Variants in TMEM268 observed in about 807,000 individuals in gnomAD.
TMEM268 encodes transmembrane protein 268.
Under a neutral mutation model 39.1 loss-of-function variants are expected in TMEM268, and 24 were observed. That is an observed-to-expected ratio of 0.61 (90% CI 0.44 to 0.86). TMEM268 has a LOEUF of 0.86. TMEM268 is among the 40% of genes least tolerant of loss of function. The pLI is 0.00. For synonymous variants in TMEM268, 176 were observed against 173.5 expected, an observed-to-expected ratio of 1.01 and a Z score of -0.12; for missense variants, 409 against 428.6, an observed-to-expected ratio of 0.95 and a Z score of 0.40.
the TMEM268 span, among the ~76,000 whole-genome samples, chr9:114,605,324 T>A: frequency 6.6e-6 from 1 of 152,048 alleles, no homozygotes; most frequent in African/African-American, 2.4e-5. Flanking sequence ...GGCAGGCAGC[T>A]CTAGTTTTGC....
At chr9:114,625,698 C>T (rs1295873797) in intron 3 of TMEM268, among the ~76,000 whole-genome samples, 1 of 151,850 alleles carries the variant, frequency 6.6e-6, no homozygotes, top group Non-Finnish European at 1.5e-5. Context: ...CCGCCTCGGC[C>T]TCCCAAAGTG....
chr9:114,637,120 G>A (rs927367830), intron 7 of TMEM268, 50 bp downstream of exon 7: 3 of 1,218,772 alleles, frequency 2.5e-6, no homozygotes, highest in Non-Finnish European at 3.6e-6. Flanking sequence ...AGGCCAAGTT[G>A]TATCGATTTC....
intron 3 of TMEM268, among the ~76,000 whole-genome samples, chr9:114,625,443 C>CTT (rs34082825): frequency 5.8e-5 from 7 of 121,732 alleles, no homozygotes; most frequent in Admixed American, 3.4e-4. Context: ...ACTTCTTCTT[C>CTT]TTTTTTTTTT....
At position 114,638,588 on chromosome 9, in the gene TMEM268, G is replaced by A. The variant is rs1478519146; in HGVS notation, c.711G>A (p.Glu237=). ...SRLSQLCVVM[E]TGVSPATAEG... is the part of the protein sequence containing the mutation. ...TGAGCCAGTTGTGTGTTGTCATGGA[G>A]ACTGGGGTGAGCCCTGCAACAGCGG... Residue 237 remains glutamate (E), a synonymous_variant, in exon 8 of 9, where the codon GAG becomes GAA. Transcript: ENST00000288502. 2.5e-6 allele frequency: 4 copies of A among 1,605,304 alleles called. No individual in the cohort carries two copies. Among genetic ancestry groups the A allele is most frequent in the Non-Finnish European group, 3.4e-6 (4 of 1,176,382 alleles).
In TMEM268 at chr9:114,644,205, A is replaced by G. The variant is rs866396879; in HGVS notation, c.*892A>G. 47 of 152,354 alleles carry G rather than the reference A, an allele frequency of 3.1e-4. No homozygotes were observed. The highest frequency in any genetic ancestry group is 1.0e-3 in the African/African-American group (42 of 41,460). 9.4% of individuals were successfully genotyped at this position (152,354 alleles called of 1,614,324 possible). On this transcript the variant is annotated 3_prime_UTR_variant, in exon 9 of 9. Coordinates refer to ENST00000288502, the MANE Select transcript of TMEM268 (RefSeq NM_153045.4). Reference sequence around the variant, plus strand: ...AACAAGTTTGAAGACCTATTGTTTCATAGACCCAAGACCAAACGCATCTAA... The same window carrying G: ...AACAAGTTTGAAGACCTATTGTTTCGTAGACCCAAGACCAAACGCATCTAA...
rs768453980 is a variant in TMEM268, at chr9:114,638,643, C to T, written c.766C>T (p.Leu256Phe). 4.3e-6 allele frequency: 7 copies of T among 1,610,430 alleles called. No individual in the cohort carries two copies. Among genetic ancestry groups the T allele is most frequent in the Admixed American group, 3.4e-5 (2 of 59,428 alleles). ...GCCTGAGAACTTGGAGGATGCTCCT[C>T]TCCTGCCCGGCAATTCTTGTCCTAA... is the stretch of plus-strand genomic sequence containing the variant. The part of the protein sequence containing the change: ...EGPENLEDAP[L>F]LPGNSCPNER... Residue 256 changes from leucine (L) to phenylalanine (F), a missense_variant, in exon 8 of 9, where the codon CTC becomes TTC. By Grantham distance (22) the Leu-to-Phe change is conservative. Transcript: ENST00000288502.
At chr9:114,606,279 T>C (rs1158721305), upstream of TMEM268, among the ~76,000 whole-genome samples, 6 of 152,150 alleles carry the variant, frequency 3.9e-5, no homozygotes, top group Non-Finnish European at 5.9e-5. Flanking sequence ...GCCTTCCTGA[T>C]AGGAATTCAG....
At chr9:114,626,779 C>T (rs1178433539) in intron 3 of TMEM268, 120 bp from the exon 4 acceptor site, 1 of 660,956 alleles carries the variant, frequency 1.5e-6, no homozygotes, top group African/African-American at 1.8e-5. Flanking sequence ...GCTCCAAGCT[C>T]CTCATTCTGC....
the TMEM268 span, among the ~76,000 whole-genome samples, chr9:114,606,124 A>G: frequency 6.6e-6 from 1 of 152,046 alleles, no homozygotes; most frequent in African/African-American, 2.4e-5. Flanking sequence ...AAAAAGCCCA[A>G]TTGCCTTCAA....
chr9:114,635,785 C>G (rs1446230605), intron 6 of TMEM268, among the ~76,000 whole-genome samples: 3 of 152,238 alleles, frequency 2.0e-5, no homozygotes, highest in Admixed American at 2.0e-4. Flanking sequence ...TTCAGATTCA[C>G]TGGGGGGTGC....
At chr9:114,629,124 C>G (rs767714435) in intron 5 of TMEM268, among the ~76,000 whole-genome samples, 18 of 152,216 alleles carry the variant, frequency 1.2e-4, no homozygotes, top group Non-Finnish European at 2.2e-4. Flanking sequence ...GATTCCAAGC[C>G]ATGTTCTTAG....
chr9:114,619,116 A>ATG (rs1268287810), intron 2 of TMEM268, among the ~76,000 whole-genome samples: 1 of 152,232 alleles, frequency 6.6e-6, no homozygotes, highest in Non-Finnish European at 1.5e-5. Context: ...TAGGAAAGCA[A>ATG]TGTGTGTGTA....
Position 114,638,652 on chromosome 9 carries a change from G to T in TMEM268, c.775G>T (p.Gly259Cys). 1 of 1,609,796 alleles carries T rather than the reference G, an allele frequency of 6.2e-7. No individual in the cohort carries two copies. Among genetic ancestry groups the T allele is most frequent in the Non-Finnish European group, 8.5e-7 (1 of 1,178,226 alleles). The change falls in exon 8 of 9, where the codon GGC (glycine) becomes TGC (cysteine). Residue 259 changes from glycine to cysteine, a missense_variant. Transcript: ENST00000288502. ...CTTGGAGGATGCTCCTCTCCTGCCC[G>T]GCAATTCTTGTCCTAACGAGAGGCC... is the stretch of plus-strand genomic sequence containing the variant. ...ENLEDAPLLP[G>C]NSCPNERPLM...
At chr9:114,616,022 T>C (rs543882664) in intron 1 of TMEM268, among the ~76,000 whole-genome samples, 9 of 146,374 alleles carry the variant, frequency 6.1e-5, no homozygotes, top group East Asian at 4.2e-4. Flanking sequence ...CTTTTCTTTT[T>C]TTTTTTTTTT....
Position 114,643,206 on chromosome 9 carries a change from C to CAGGCAATGGGGACACGACACACG in TMEM268, c.924_946dup (p.Asn316ArgfsTer20). On this transcript the variant is annotated frameshift_variant, in exon 9 of 9. Transcript: ENST00000288502. LOFTEE classifies it high-confidence loss of function. Reference sequence around the variant, plus strand: ...GCTTCTAGTGACCTCCCAGCTCCCTCAGGCAATGGGGACACGACACACGAA... The same window carrying CAGGCAATGGGGACACGACACACG: ...GCTTCTAGTGACCTCCCAGCTCCCTCAGGCAATGGGGACACGACACACGAGGCAATGGGGACACGACACACGAA... The CAGGCAATGGGGACACGACACACG allele has an allele frequency of 2.5e-6, 4 of 1,614,196 alleles. No homozygotes were observed. The highest frequency in any genetic ancestry group is 3.4e-6 in the Non-Finnish European group (4 of 1,179,990).
chr9:114,624,290 C>A (rs1354201293), intron 2 of TMEM268, 60 bp from the exon 3 acceptor site: 10 of 1,548,526 alleles, frequency 6.5e-6, no homozygotes, highest in Non-Finnish European at 7.9e-6. Flanking sequence ...GCTTCGGGCT[C>A]ACCCCACGAG....
intron 2 of TMEM268, among the ~76,000 whole-genome samples, chr9:114,618,215 G>A (rs1845812091): frequency 2.6e-5 from 4 of 152,220 alleles, no homozygotes; most frequent in Admixed American, 2.0e-4. Flanking sequence ...GTCCAACCAT[G>A]TCAGTTTCTG....
intron 1 of TMEM268, among the ~76,000 whole-genome samples, chr9:114,611,956 G>C (rs954290630): frequency 9.9e-5 from 15 of 152,234 alleles, no homozygotes; most frequent in Non-Finnish European, 2.1e-4. Context: ...AAGGAGCCTG[G>C]GTTTCAATTC....
At chr9:114,640,867 GTC>G (rs909740595) in intron 8 of TMEM268, among the ~76,000 whole-genome samples, 3 of 151,510 alleles carry the variant, frequency 2.0e-5, no homozygotes, top group Non-Finnish European at 4.4e-5. Flanking sequence ...CTGTCTATTA[GTC>G]TCTCTCTCTC....
Sources: gnomAD v4.1 joint callset for allele counts (sites outside exome capture counted in the v4.1 genomes callset) on GRCh38, gnomAD v4.1.1 for gene constraint, MANE v1.5 for transcripts, NCBI Gene and HGNC (gene_info 2026-07-23, HGNC 2026-07-21) for gene names.